GALNT17: variants seen among roughly 807,000 people sequenced by gnomAD.
GALNT17 encodes UDP-GalNAc:polypeptide N-acetylgalactosaminyltransferase-like 3.
In GALNT17, 29 loss-of-function variants were observed where a neutral mutation model predicts 63.7. The observed-to-expected ratio is 0.46, with a 90% CI of 0.34 to 0.62. GALNT17 has a LOEUF of 0.62. Ranked by LOEUF, GALNT17 falls within the 20% of genes least tolerant of loss-of-function variation. GALNT17 has a pLI of 0.01. For synonymous variants in GALNT17, 305 were observed against 318.3 expected, an observed-to-expected ratio of 0.96 and a Z score of 0.45; for missense variants, 603 against 799.6, an observed-to-expected ratio of 0.75 and a Z score of 2.97.
At chr7:71,544,614 C>T (rs1321252421) in intron 5 of GALNT17, among the ~76,000 whole-genome samples, 1 of 152,146 alleles carries the variant, frequency 6.6e-6, no homozygotes, top group Non-Finnish European at 1.5e-5. Flanking sequence ...CTCCAAAGCC[C>T]AGGATAGAAA....
chr7:71,432,283 G>A (rs150727196), intron 5 of GALNT17, among the ~76,000 whole-genome samples: 71 of 152,160 alleles, frequency 4.7e-4, no homozygotes, highest in African/African-American at 1.6e-3. Context: ...GATTTGCTCC[G>A]CGGTGGCACA....
chr7:71,439,247 C>T (rs73175290), intron 5 of GALNT17, among the ~76,000 whole-genome samples: 21,736 of 152,026 alleles, frequency 0.14, 1,647 homozygotes, highest in Middle Eastern at 0.21. Context: ...AAAGAAGGGA[C>T]TCATGTTCTT....
intron 5 of GALNT17, among the ~76,000 whole-genome samples, chr7:71,462,217 T>G (rs1787463500): frequency 6.6e-6 from 1 of 152,190 alleles, no homozygotes; most frequent in Non-Finnish European, 1.5e-5. Flanking sequence ...ATTCTGGCCC[T>G]TTCATCCTCT....
chr7:71,495,943 T>C lies in GALNT17; in HGVS notation c.962+74838T>C, dbSNP rs532186240. On this transcript the variant is annotated intron_variant, in intron 5 of 10. Transcript: ENST00000333538. ...GATGTCCTTGAGAAGCAAAGAATAT[T>C]GAGAGTCCAGCCTGCCAAGGTTCGT... is the stretch of plus-strand genomic sequence containing the variant. Among the ~76,000 whole-genome samples the C allele has an allele frequency of 1.2e-4, 19 of 152,244 alleles. No homozygotes were observed. In the South Asian group the frequency reaches 3.9e-3, roughly 32 times the overall value.
intron 6 of GALNT17, among the ~76,000 whole-genome samples, chr7:71,586,483 A>G (rs1282391094): frequency 6.6e-6 from 1 of 152,194 alleles, no homozygotes; most frequent in Non-Finnish European, 1.5e-5. Context: ...CATTCATATA[A>G]AAGTCTTTTA....
intron 1 of GALNT17, among the ~76,000 whole-genome samples, chr7:71,275,451 G>A (rs954455809): frequency 6.6e-6 from 1 of 152,192 alleles, no homozygotes; most frequent in African/African-American, 2.4e-5. Flanking sequence ...TTCAGACCCT[G>A]AAGATCAGAA....
chr7:71,366,183 C>G (rs983840035), intron 2 of GALNT17, among the ~76,000 whole-genome samples: 1 of 152,112 alleles, frequency 6.6e-6, no homozygotes, highest in Non-Finnish European at 1.5e-5. Flanking sequence ...TTTGCCCACT[C>G]TCCTGACGCT....
chr7:71,343,119 A>G (rs1437011479), intron 2 of GALNT17, among the ~76,000 whole-genome samples: 1 of 152,216 alleles, frequency 6.6e-6, no homozygotes, highest in East Asian at 1.9e-4. Flanking sequence ...ACCTCTCTTC[A>G]TTGCAAACTA....
chr7:71,554,021 T>C (rs2116838102), intron 5 of GALNT17, among the ~76,000 whole-genome samples: 1 of 152,334 alleles, frequency 6.6e-6, no homozygotes, highest in African/African-American at 2.4e-5. Flanking sequence ...TTGAGTTTTG[T>C]CCCTTCTGTA....
At chr7:71,384,424 T>TG (rs1792901896) in intron 2 of GALNT17, among the ~76,000 whole-genome samples, 1 of 152,146 alleles carries the variant, frequency 6.6e-6, no homozygotes, top group Admixed American at 6.5e-5. Flanking sequence ...CTCATTGTCT[T>TG]GCAGCTACTC....
At chr7:71,677,440 G>A in intron 9 of GALNT17, 134 bp downstream of exon 9, 2 of 782,454 alleles carry the variant, frequency 2.6e-6, no homozygotes, top group South Asian at 3.6e-5. Flanking sequence ...TTTTTAAGAA[G>A]AAGGTAGGAG....
intron 1 of GALNT17, among the ~76,000 whole-genome samples, chr7:71,321,786 C>T (rs1213294307): frequency 1.3e-5 from 2 of 151,818 alleles, no homozygotes; most frequent in Admixed American, 6.6e-5. Flanking sequence ...CCCACCTTGG[C>T]CCCCCAAAAT....
At chr7:71,272,872 A>G (rs62457833) in intron 1 of GALNT17, among the ~76,000 whole-genome samples, 20 of 151,908 alleles carry the variant, frequency 1.3e-4, no homozygotes, top group Non-Finnish European at 2.8e-4. Flanking sequence ...CTCTCCTGTT[A>G]TGTAGAAGAT....
chr7:71,208,508 T>G (rs1042950239), intron 1 of GALNT17, among the ~76,000 whole-genome samples: 5 of 148,778 alleles, frequency 3.4e-5, no homozygotes, highest in Non-Finnish European at 7.4e-5. Flanking sequence ...TGGTGTGCAG[T>G]GGTGTGATCA....
chr7:71,279,694 T>C (rs1165298883), intron 1 of GALNT17, among the ~76,000 whole-genome samples: 2 of 151,762 alleles, frequency 1.3e-5, no homozygotes, highest in Non-Finnish European at 2.9e-5. Flanking sequence ...TTCAGAGTCA[T>C]GTTCTCTTCA....
At chr7:71,449,872 T>C (rs1787227433) in intron 5 of GALNT17, among the ~76,000 whole-genome samples, 1 of 151,536 alleles carries the variant, frequency 6.6e-6, no homozygotes, top group Non-Finnish European at 1.5e-5. Flanking sequence ...AGAAACCCCA[T>C]CTCTACTAAA....
intron 1 of GALNT17, among the ~76,000 whole-genome samples, chr7:71,141,840 C>CTGTGTGTGTGTGTGTGTG (rs34121771): frequency 3.2e-5 from 4 of 125,114 alleles, no homozygotes; most frequent in South Asian, 2.8e-4. Context: ...CCACGTCTGG[C>CTGTGTGTGTGTGTGTGTG]TGTGTGTGTG....
At chr7:71,518,493 C>T (rs759288777) in intron 5 of GALNT17, among the ~76,000 whole-genome samples, 9 of 152,250 alleles carry the variant, frequency 5.9e-5, no homozygotes, top group Non-Finnish European at 1.2e-4. Context: ...ATAAACTGTG[C>T]GATTTAAGCA....
intron 4 of GALNT17, among the ~76,000 whole-genome samples, chr7:71,417,187 T>G (rs1786551479): frequency 6.6e-6 from 1 of 152,228 alleles, no homozygotes; most frequent in Non-Finnish European, 1.5e-5. Flanking sequence ...TGTACTAGAT[T>G]TGAAGAACCA....
Sources: allele counts gnomAD v4.1 joint callset (sites outside exome capture counted in the v4.1 genomes callset), GRCh38; gene constraint gnomAD v4.1.1; transcripts MANE v1.5; gene names NCBI Gene and HGNC (gene_info 2026-07-23, HGNC 2026-07-21).